LDB2: variants seen among roughly 807,000 people sequenced by gnomAD.
LDB2 encodes LIM domain-binding protein 2.
A neutral mutation model predicts 44.3 loss-of-function variants in LDB2; 12 were observed. The ratio of observed to expected loss-of-function variants is 0.27; its 90% CI spans 0.17 to 0.44. The LOEUF (loss-of-function observed/expected upper bound fraction) is 0.44. Ranked by LOEUF, LDB2 falls within the 20% of genes least tolerant of loss-of-function variation. LDB2 has a pLI of 1.00. For missense variants in LDB2, 344 were observed against 473.5 expected (o/e 0.73, Z 2.54); for synonymous variants, 164 against 174.8 (o/e 0.94, Z 0.49).
chr4:16,625,863 C>A (rs1389775158), intron 2 of LDB2, among the ~76,000 whole-genome samples: 2 of 152,090 alleles, frequency 1.3e-5, no homozygotes, highest in African/African-American at 4.8e-5. Context: ...TGCATAAAAC[C>A]ACTGGTCCCC....
At chr4:16,862,435 A>G (rs533519896) in intron 1 of LDB2, among the ~76,000 whole-genome samples, 35 of 151,946 alleles carry the variant, frequency 2.3e-4, no homozygotes, top group African/African-American at 7.7e-4. Flanking sequence ...GGAGTTCAAG[A>G]CCAGCCTGAC....
chr4:16,876,919 T>TCC (rs1554059869), intron 1 of LDB2, among the ~76,000 whole-genome samples: 27 of 146,424 alleles, frequency 1.8e-4, no homozygotes, highest in Admixed American at 4.0e-4. Flanking sequence ...TTTTTTTTTT[T>TCC]CCTTAGAGAC....
At chr4:16,689,700 T>C (rs1315447356) in intron 2 of LDB2, among the ~76,000 whole-genome samples, 1 of 152,256 alleles carries the variant, frequency 6.6e-6, no homozygotes, top group African/African-American at 2.4e-5. Context: ...TTTAAAAATA[T>C]GGGACCTAGG....
At chr4:16,504,168 G>T (rs565607440) in intron 7 of LDB2, among the ~76,000 whole-genome samples, 1 of 151,998 alleles carries the variant, frequency 6.6e-6, no homozygotes, top group Non-Finnish European at 1.5e-5. Flanking sequence ...TTGACAACTG[G>T]GCAGAAATTC....
At chr4:16,641,545 T>C (rs1735170508) in intron 2 of LDB2, among the ~76,000 whole-genome samples, 1 of 151,980 alleles carries the variant, frequency 6.6e-6, no homozygotes, top group Admixed American at 6.6e-5. Flanking sequence ...AACAGGTGCA[T>C]CACATGGCAA....
intron 1 of LDB2, among the ~76,000 whole-genome samples, chr4:16,764,693 T>C (rs1002356828): frequency 2.6e-5 from 4 of 152,212 alleles, no homozygotes; most frequent in Non-Finnish European, 5.9e-5. Context: ...CAGCTTTATG[T>C]ACAGGCTAGC....
chr4:16,758,612 G>A (rs932315000), intron 2 of LDB2, among the ~76,000 whole-genome samples: 2 of 152,228 alleles, frequency 1.3e-5, no homozygotes, highest in Admixed American at 6.5e-5. Flanking sequence ...GTTATCACTC[G>A]CCTGAAAGAC....
chr4:16,893,881 A>G (rs1479364437), intron 1 of LDB2, among the ~76,000 whole-genome samples: 3 of 152,100 alleles, frequency 2.0e-5, no homozygotes, highest in African/African-American at 4.8e-5. Flanking sequence ...GGTCATTTGA[A>G]TGAGAAAACA....
chr4:16,633,926 T>C (rs540483807), intron 2 of LDB2, among the ~76,000 whole-genome samples: 3 of 152,098 alleles, frequency 2.0e-5, no homozygotes, highest in Non-Finnish European at 4.4e-5. Flanking sequence ...TATAGACCAA[T>C]GGAACAGAAC....
chr4:16,720,086 C>T (rs1302960278), intron 2 of LDB2, among the ~76,000 whole-genome samples: 2 of 151,978 alleles, frequency 1.3e-5, no homozygotes, highest in African/African-American at 2.4e-5. Flanking sequence ...CATATAAAGT[C>T]CATGGTGGAG....
At chr4:16,772,592 A>G (rs1248295689) in intron 1 of LDB2, among the ~76,000 whole-genome samples, 1 of 152,210 alleles carries the variant, frequency 6.6e-6, no homozygotes, top group East Asian at 1.9e-4. Context: ...TGTGAATTAA[A>G]AGCATTAAGA....
At chr4:16,855,740 A>G (rs1421515679) in intron 1 of LDB2, among the ~76,000 whole-genome samples, 1 of 152,094 alleles carries the variant, frequency 6.6e-6, no homozygotes, top group Non-Finnish European at 1.5e-5. Flanking sequence ...ACTGATGATG[A>G]TATTAATGAG....
intron 2 of LDB2, among the ~76,000 whole-genome samples, chr4:16,605,749 C>A (rs1394015403): frequency 1.3e-5 from 2 of 152,208 alleles, no homozygotes; most frequent in African/African-American, 2.4e-5. Context: ...ATCTCCCTAT[C>A]TCTGACATCC....
intron 2 of LDB2, among the ~76,000 whole-genome samples, chr4:16,700,117 C>G (rs1753123574): frequency 6.6e-6 from 1 of 152,128 alleles, no homozygotes; most frequent in African/African-American, 2.4e-5. Context: ...CTCCAATGAA[C>G]ATTTCCTTCG....
chr4:16,886,149 G>C (rs968768800), intron 1 of LDB2, among the ~76,000 whole-genome samples: 6 of 151,950 alleles, frequency 3.9e-5, no homozygotes, highest in Non-Finnish European at 5.9e-5. Context: ...AGCTCAGGAG[G>C]TCAAGTCTGC....
intron 2 of LDB2, among the ~76,000 whole-genome samples, chr4:16,681,921 A>G (rs1361219657): frequency 2.6e-5 from 4 of 152,122 alleles, no homozygotes; most frequent in Non-Finnish European, 4.4e-5. Context: ...GCAACTTGAG[A>G]GCTGGAGAAA....
chr4:16,583,258 T>C (rs975538414), intron 5 of LDB2, among the ~76,000 whole-genome samples: 1 of 152,242 alleles, frequency 6.6e-6, no homozygotes, highest in Non-Finnish European at 1.5e-5. Context: ...ACACTGCATA[T>C]TGAAATTTCA....
At chr4:16,855,227 AG>A (rs1789123536) in intron 1 of LDB2, among the ~76,000 whole-genome samples, 1 of 152,158 alleles carries the variant, frequency 6.6e-6, no homozygotes, top group Non-Finnish European at 1.5e-5. Context: ...GCACAGCAAT[AG>A]TGAGAAAAAC....
chr4:16,579,280 C>T (rs1002502547), intron 5 of LDB2, among the ~76,000 whole-genome samples: 4 of 152,092 alleles, frequency 2.6e-5, no homozygotes, highest in Non-Finnish European at 5.9e-5. Context: ...CAAAATACCT[C>T]ATGTAACTTA....
Sources: gnomAD v4.1 joint callset for allele counts (sites outside exome capture counted in the v4.1 genomes callset) on GRCh38, gnomAD v4.1.1 for gene constraint, MANE v1.5 for transcripts, NCBI Gene and HGNC (gene_info 2026-07-23, HGNC 2026-07-21) for gene names.